The following DPM1 variants were observed in gnomAD, a reference collection of about 807,000 sequenced individuals.
DPM1 encodes dolichol-phosphate mannosyltransferase subunit 1.
DPM1 carries 27 observed loss-of-function variants against 39.0 expected under a neutral mutation model. The observed-to-expected ratio is 0.69, with a 90% CI of 0.51 to 0.95. The LOEUF (loss-of-function observed/expected upper bound fraction) is 0.95, where lower values mean the gene tolerates loss of function less well. Ranked by LOEUF, DPM1 falls within the 40% of genes least tolerant of loss-of-function variation. DPM1 has a pLI of 0.00. For synonymous variants in DPM1, 124 were observed against 109.0 expected, an observed-to-expected ratio of 1.14 and a Z score of -0.86; for missense variants, 307 against 315.6, an observed-to-expected ratio of 0.97 and a Z score of 0.21.
chr20:50,936,838 A>G (rs887604423), intron 7 of DPM1, among the ~76,000 whole-genome samples: 5 of 152,210 alleles, frequency 3.3e-5, no homozygotes, highest in African/African-American at 1.2e-4. Context: ...CACAGGATAG[A>G]AACAATCCTG....
chr20:50,953,698 T>G (rs1412967148), intron 2 of DPM1, among the ~76,000 whole-genome samples: 1 of 152,184 alleles, frequency 6.6e-6, no homozygotes, highest in Non-Finnish European at 1.5e-5. Flanking sequence ...AAAGGTCAGT[T>G]TAGTAACCAT....
chr20:50,948,598 G>A, intron 3 of DPM1, 31 bp downstream of exon 3: 1 of 1,609,464 alleles, frequency 6.2e-7, no homozygotes, highest in Non-Finnish European at 8.5e-7. Flanking sequence ...GCAAGCAGCA[G>A]GTGTGAGGGG....
intron 1 of DPM1, among the ~76,000 whole-genome samples, chr20:50,956,674 A>G (rs1485610864): frequency 6.6e-6 from 1 of 152,270 alleles, no homozygotes; most frequent in Non-Finnish European, 1.5e-5. Context: ...TCTATTCTCC[A>G]AGAGTAGAAC....
At position 50,958,525 on chromosome 20, in the gene DPM1, G is replaced by A. The variant is rs1986971300; in HGVS notation, c.-2C>T. On this transcript the variant is annotated 5_prime_UTR_variant, in exon 1 of 9. Coordinates refer to ENST00000371588, the MANE Select transcript of DPM1 (RefSeq NM_003859.3). ...ACGACTGACTTCCAAGGAGGCCATG[G>A]CGGAACTGAGCCAGATGCCGGAAGC... 16 of 1,613,610 alleles carry A rather than the reference G, an allele frequency of 9.9e-6. No homozygotes were observed. Among genetic ancestry groups the A allele is most frequent in the Non-Finnish European group, 1.4e-5 (16 of 1,180,006 alleles).
intron 8 of DPM1, 102 bp from the exon 9 acceptor site, chr20:50,935,338 AAC>A: frequency 1.3e-6 from 1 of 754,048 alleles, no homozygotes; most frequent in Non-Finnish European, 2.4e-6. Context: ...TTAGTCCTAC[AAC>A]AGAGGTCCTT....
At position 50,935,043 on chromosome 20, in the gene DPM1, C is replaced by CT. The variant is rs1176367305; in HGVS notation, c.*88dup. 13 of 774,150 alleles carry CT rather than the reference C, an allele frequency of 1.7e-5. 1 individual carries two copies. The Admixed American group carries it at 2.6e-4, about 16-fold the overall frequency. The allele number at this position is 774,150 out of a possible 1,614,324, so 48.0% of individuals were successfully genotyped here. A position where few individuals can be genotyped will look rare whatever the true frequency, so the allele number is the denominator to read the frequency against. ...AATTTACCTTACCTTATATTTTATACTTTAAGAGTACATTTTATACAAATC... is the reference window on the plus strand; with the variant it reads ...AATTTACCTTACCTTATATTTTATACTTTTAAGAGTACATTTTATACAAATC... On this transcript the variant is annotated 3_prime_UTR_variant, in exon 9 of 9. Coordinates refer to ENST00000371588, the MANE Select transcript of DPM1 (RefSeq NM_003859.3).
At chr20:50,945,970 A>G (rs1269453035) in intron 3 of DPM1, 47 bp from the exon 4 acceptor site, 3 of 1,509,680 alleles carry the variant, frequency 2.0e-6, no homozygotes, top group Non-Finnish European at 2.8e-6. Flanking sequence ...AGAAATCTTT[A>G]CATATACATT....
At chr20:50,948,212 C>T (rs1321142830) in intron 3 of DPM1, among the ~76,000 whole-genome samples, 1 of 152,168 alleles carries the variant, frequency 6.6e-6, no homozygotes, top group East Asian at 1.9e-4. Flanking sequence ...AGTTCTAGCT[C>T]CTGCCAGGCA....
At chr20:50,957,516 C>T (rs1446665856) in intron 1 of DPM1, among the ~76,000 whole-genome samples, 1 of 152,114 alleles carries the variant, frequency 6.6e-6, no homozygotes, top group African/African-American at 2.4e-5. Flanking sequence ...ATGGTGTGAA[C>T]AAAGTCCTTG....
intron 1 of DPM1, among the ~76,000 whole-genome samples, chr20:50,957,065 G>T (rs530690491): frequency 2.8e-4 from 43 of 151,830 alleles, no homozygotes; most frequent in Admixed American, 2.6e-4. Context: ...GAACGAGATC[G>T]GTTGTATGAT....
chr20:50,940,871 CT>C lies in DPM1; in HGVS notation c.556del (p.Ser186ValfsTer10). On this transcript the variant is annotated frameshift_variant, in exon 7 of 9. Coordinates refer to ENST00000371588, the MANE Select transcript of DPM1 (RefSeq NM_003859.3). LOFTEE classifies it high-confidence loss of function. ...GTGGAAATTTTCACTGTACCTGAAA[CT>C]TCCTGTTAAATCAGATGCTCCTGGT... ...LRPGASDLTG[S>X]FRLYRKEVLE... 1 of 1,613,728 alleles carries C rather than the reference CT, an allele frequency of 6.2e-7. No homozygotes were observed. Among genetic ancestry groups the C allele is most frequent in the South Asian group, 1.1e-5 (1 of 91,060 alleles).
chr20:50,942,228 C>CG, intron 5 of DPM1, 102 bp from the exon 6 acceptor site: 1 of 1,075,290 alleles, frequency 9.3e-7, no homozygotes, highest in Non-Finnish European at 1.4e-6. Flanking sequence ...TCGACACAGG[C>CG]TGGGTGCAGT....
chr20:50,942,876 G>C (rs1049289477), intron 5 of DPM1, among the ~76,000 whole-genome samples: 24 of 152,236 alleles, frequency 1.6e-4, no homozygotes, highest in African/African-American at 5.8e-4. Flanking sequence ...GTTTCTGTCA[G>C]TTAACAATAC....
In DPM1 at chr20:50,940,757, A is replaced by G. The variant is rs535844137; in HGVS notation, c.563+108T>C. 104 of 936,986 alleles carry G rather than the reference A, an allele frequency of 1.1e-4. No homozygotes were observed. The African/African-American group carries it at 1.6e-3, about 14-fold the overall frequency. 58.0% of individuals were successfully genotyped at this position (936,986 alleles called of 1,614,324 possible). On this transcript the variant is annotated intron_variant, in intron 7 of 8. Coordinates refer to ENST00000371588, the MANE Select transcript of DPM1 (RefSeq NM_003859.3). ...AGGAATTTTAGTCTGCCTTTTTAGTATCCCAGAATAAAAACAAGGTAGAAA... is the reference window on the plus strand; with the variant it reads ...AGGAATTTTAGTCTGCCTTTTTAGTGTCCCAGAATAAAAACAAGGTAGAAA...
intron 6 of DPM1, 200 bp from the exon 7 acceptor site, chr20:50,941,133 A>C: frequency 1.6e-6 from 1 of 621,600 alleles, no homozygotes. Flanking sequence ...TCACACCTGT[A>C]ATCCCAGGAG....
intron 2 of DPM1, among the ~76,000 whole-genome samples, chr20:50,953,433 T>G (rs915972522): frequency 6.6e-6 from 1 of 152,246 alleles, no homozygotes; most frequent in Non-Finnish European, 1.5e-5. Context: ...GGTTTCAATA[T>G]CCTTCATTTT....
At chr20:50,944,514 T>C (rs1340051786) in intron 5 of DPM1, 1 of 152,220 alleles carries the variant, frequency 6.6e-6, no homozygotes, top group African/African-American at 2.4e-5. Context: ...AAGCATGCTA[T>C]GGCATGGAAA....
chr20:50,952,376 T>G (rs1986627025), intron 2 of DPM1, among the ~76,000 whole-genome samples: 2 of 152,258 alleles, frequency 1.3e-5, no homozygotes, highest in South Asian at 4.1e-4. Context: ...TGCTTTATAC[T>G]TATTACAAAG....
chr20:50,942,765 C>G (rs991335497), intron 5 of DPM1, among the ~76,000 whole-genome samples: 4 of 152,220 alleles, frequency 2.6e-5, no homozygotes, highest in African/African-American at 9.6e-5. Context: ...TCCTGCCACA[C>G]TTTTCTTTGC....
Sources: allele counts gnomAD v4.1 joint callset (sites outside exome capture counted in the v4.1 genomes callset), GRCh38; gene constraint gnomAD v4.1.1; transcripts MANE v1.5; gene names NCBI Gene and HGNC (gene_info 2026-07-23, HGNC 2026-07-21).